The following RNF6 variants were observed in gnomAD, a reference collection of about 807,000 sequenced individuals.
RNF6 encodes E3 ubiquitin-protein ligase RNF6.
RNF6 carries 21 observed loss-of-function variants against 50.1 expected under a neutral mutation model. The ratio of observed to expected loss-of-function variants is 0.42; its 90% CI spans 0.30 to 0.60. The LOEUF is 0.60. Ranked by LOEUF, RNF6 falls within the 20% of genes least tolerant of loss-of-function variation. The probability of loss-of-function intolerance (pLI) is 0.20; values close to 1 mark genes in which losing one functional copy is unlikely to be tolerated. For synonymous variants in RNF6, 255 were observed against 291.8 expected (o/e 0.87, Z 1.29); for missense variants, 698 against 838.2 (o/e 0.83, Z 2.07).
At chr13:26,179,708 G>A (rs999830564) in intron 5 of RNF6, among the ~76,000 whole-genome samples, 4 of 152,192 alleles carry the variant, frequency 2.6e-5, no homozygotes, top group Non-Finnish European at 5.9e-5. Context: ...AGCAAGGCCA[G>A]TCCACCTCAC....
At position 26,145,741 on chromosome 13, in the gene RNF6, G is replaced by A. The variant is rs116732611; in HGVS notation, n.769-13290C>T. On this transcript the variant is annotated intron_variant and non_coding_transcript_variant, in intron 5 of 5. Coordinates refer to the RNF6 transcript ENST00000468480. ...TACCAGTGTGAGAACAAACTAATAC[G>A]ATGGGGCACTGATCTCTGAAATCAC... Among the ~76,000 whole-genome samples, 3 of 152,228 alleles carry A rather than the reference G, an allele frequency of 2.0e-5. No homozygotes were observed. In the South Asian group the frequency reaches 6.2e-4, roughly 32 times the overall value.
At chr13:26,162,537 G>T (rs779372173) in intron 5 of RNF6, among the ~76,000 whole-genome samples, 6 of 152,142 alleles carry the variant, frequency 3.9e-5, no homozygotes, top group Non-Finnish European at 8.8e-5. Context: ...TCTCATGGAA[G>T]AACACAGAAC....
At chr13:26,172,452 G>A (rs1872739421) in intron 5 of RNF6, among the ~76,000 whole-genome samples, 2 of 151,848 alleles carry the variant, frequency 1.3e-5, no homozygotes, top group South Asian at 4.1e-4. Context: ...AAACCATGAA[G>A]GAAAATACTA....
intron 5 of RNF6, among the ~76,000 whole-genome samples, chr13:26,164,167 TATC>T: frequency 6.6e-6 from 1 of 152,228 alleles, no homozygotes; most frequent in East Asian, 1.9e-4. Flanking sequence ...TCTTTTTATT[TATC>T]ATCCCTGGGA....
Position 26,214,885 on chromosome 13 carries a change from C to G in RNF6, c.997G>C (p.Val333Leu). The part of the protein sequence containing the change: ...YHNSQRESRP[V>L]QQTTRRSVRR... ...ACAGATCTTCTAGTGGTTTGCTGTA[C>G]TGGTCTACTTTCCCTTTGGGAATTA... Residue 333 changes from valine (V) to leucine (L), a missense_variant, in exon 5 of 5, where the codon GTA becomes CTA. Transcript: ENST00000381588. The G allele has an allele frequency of 6.2e-7, 1 of 1,614,248 alleles. No individual in the cohort carries two copies. Among genetic ancestry groups the G allele is most frequent in the Non-Finnish European group, 8.5e-7 (1 of 1,180,050 alleles).
intron 5 of RNF6, among the ~76,000 whole-genome samples, chr13:26,161,371 G>A (rs138738790): frequency 1.1e-4 from 16 of 152,322 alleles, no homozygotes; most frequent in African/African-American, 3.8e-4. Context: ...GTCCTACTGT[G>A]ATTCTGAATA....
At chr13:26,196,742 A>G (rs1481454566) in intron 5 of RNF6, among the ~76,000 whole-genome samples, 1 of 4,392 alleles carries the variant, frequency 2.3e-4, no homozygotes, top group Non-Finnish European at 0.017. Flanking sequence ...CTGAAGGGAA[A>G]GTATACAGAT....
At chr13:26,193,157 C>G (rs1868526367) in intron 5 of RNF6, among the ~76,000 whole-genome samples, 1 of 152,120 alleles carries the variant, frequency 6.6e-6, no homozygotes, top group Non-Finnish European at 1.5e-5. Flanking sequence ...GTTGGATATA[C>G]AAGTTTTACA....
intron 5 of RNF6, among the ~76,000 whole-genome samples, chr13:26,150,365 A>G (rs1193553134): frequency 6.6e-6 from 1 of 152,182 alleles, no homozygotes; most frequent in South Asian, 2.1e-4. Flanking sequence ...CAAAATGATC[A>G]TTAGGATTGT....
chr13:26,147,236 C>T (rs1006660440), intron 5 of RNF6, among the ~76,000 whole-genome samples: 2 of 152,130 alleles, frequency 1.3e-5, no homozygotes, highest in African/African-American at 4.8e-5. Flanking sequence ...GTAGTACATG[C>T]CCTCATTGGT....
At chr13:26,184,417 T>C (rs550240977) in intron 5 of RNF6, among the ~76,000 whole-genome samples, 17 of 152,008 alleles carry the variant, frequency 1.1e-4, no homozygotes, top group African/African-American at 3.6e-4. Context: ...AACTCTCAAG[T>C]GAAAAAGACA....
At chr13:26,211,612 G>A (rs887926537), downstream of RNF6, among the ~76,000 whole-genome samples, 1 of 152,008 alleles carries the variant, frequency 6.6e-6, no homozygotes, top group Non-Finnish European at 1.5e-5. Context: ...CAGAAAATTC[G>A]CCGGGCGTGG....
In RNF6 at chr13:26,183,991, AATATATATAT is replaced by A. The variant is rs1243482593; in HGVS notation, n.768+31473_768+31482del. Among the ~76,000 whole-genome samples the A allele has an allele frequency of 2.3e-3, 139 of 61,498 alleles. 2 individuals are homozygous for A. Among genetic ancestry groups the A allele is most frequent in the East Asian group, 0.014 (32 of 2,288 alleles). 40.3% of individuals were successfully genotyped at this position (61,498 alleles called of 152,430 possible). A position where few individuals can be genotyped will look rare whatever the true frequency, so the allele number is the denominator to read the frequency against. On this transcript the variant is annotated intron_variant and non_coding_transcript_variant, in intron 5 of 5. Transcript: ENST00000468480. ...CTGCCCTCCACCAGCAGATAAATAA[AATATATATAT>A]ATATATATATATATATATTTTTTTT...
intron 5 of RNF6, among the ~76,000 whole-genome samples, chr13:26,190,239 T>G (rs925689961): frequency 6.6e-6 from 1 of 152,236 alleles, no homozygotes; most frequent in African/African-American, 2.4e-5. Flanking sequence ...TGAGGACACG[T>G]GAATAGATTG....
At chr13:26,209,687 A>G (rs138925339), downstream of RNF6, among the ~76,000 whole-genome samples, 137 of 152,332 alleles carry the variant, frequency 9.0e-4, 1 homozygote, top group East Asian at 0.024. Flanking sequence ...GAAGGTGAGC[A>G]CATTTGGAAT....
intron 5 of RNF6, among the ~76,000 whole-genome samples, chr13:26,156,439 A>G (rs950427431): frequency 6.6e-6 from 1 of 152,242 alleles, no homozygotes; most frequent in African/African-American, 2.4e-5. Flanking sequence ...TTATTCTCTC[A>G]GTCTTTGCCC....
chr13:26,137,653 T>TAA (rs57465135), intron 5 of RNF6, among the ~76,000 whole-genome samples: 10 of 138,684 alleles, frequency 7.2e-5, no homozygotes, highest in Non-Finnish European at 1.2e-4. Context: ...ATAGAAATTA[T>TAA]AAAAAAAAAA....
chr13:26,143,348 C>T (rs1871058992), intron 5 of RNF6, among the ~76,000 whole-genome samples: 1 of 152,164 alleles, frequency 6.6e-6, no homozygotes, highest in South Asian at 2.1e-4. Context: ...ATCACCCCAT[C>T]CAGCAAAGTA....
At chr13:26,211,707 G>A (rs957959712), downstream of RNF6, among the ~76,000 whole-genome samples, 4 of 151,952 alleles carry the variant, frequency 2.6e-5, no homozygotes, top group African/African-American at 4.8e-5. Context: ...GCAGCGAGCC[G>A]AGATAGTGCC....
Sources: gnomAD v4.1 joint callset for allele counts (sites outside exome capture counted in the v4.1 genomes callset) on GRCh38, gnomAD v4.1.1 for gene constraint, MANE v1.5 for transcripts, NCBI Gene and HGNC (gene_info 2026-07-23, HGNC 2026-07-21) for gene names.